DCDC1: variants seen among roughly 807,000 people sequenced by gnomAD.
DCDC1 encodes doublecortin domain-containing protein 1.
A neutral mutation model predicts 178.3 loss-of-function variants in DCDC1; 200 were observed. The ratio of observed to expected loss-of-function variants is 1.12; its 90% CI spans 1.00 to 1.26. The LOEUF is 1.26. Ranked by LOEUF, DCDC1 falls within the 50% of genes most tolerant of loss-of-function variation. DCDC1 has a pLI of 0.00. For missense variants in DCDC1, 1,983 were observed against 1,749.2 expected (o/e 1.13, Z -2.38); for synonymous variants, 690 against 604.8 (o/e 1.14, Z -2.07).
At position 30,899,652 on chromosome 11, in the gene DCDC1, TA is replaced by T. The variant is rs148686045; in HGVS notation, c.4664-11del. 159 of 1,511,040 alleles carry T rather than the reference TA, an allele frequency of 1.1e-4. 1 individual carries two copies. In the African/African-American group the frequency reaches 1.9e-3, roughly 19 times the overall value. The allele number at this position is 1,511,040 out of a possible 1,614,324, so 93.6% of individuals were successfully genotyped here. On this transcript the variant is annotated splice_polypyrimidine_tract_variant and intron_variant, in intron 33 of 38. Transcript: ENST00000684477. Reference sequence around the variant, plus strand: ...TCTGCTTTCTGCAAAGCTAGAATAATAAAAATACAAGATATTTTATCAACAG... The same window carrying T: ...TCTGCTTTCTGCAAAGCTAGAATAATAAAATACAAGATATTTTATCAACAG...
chr11:31,292,353 G>C (rs1218671124), intron 6 of DCDC1, among the ~76,000 whole-genome samples: 1 of 152,062 alleles, frequency 6.6e-6, no homozygotes, highest in Non-Finnish European at 1.5e-5. Context: ...CCAACATGTG[G>C]TAACCAAATG....
chr11:31,311,714 G>A lies in DCDC1; in HGVS notation c.165-3806C>T, dbSNP rs546307424. On this transcript the variant is annotated intron_variant, in intron 3 of 38. Coordinates refer to ENST00000684477, the MANE Select transcript of DCDC1 (RefSeq NM_001387274.1). Reference sequence around the variant, plus strand: ...TAAAGATGCCAATCTTGAGGGTGAAGAATTTAACACAAACAACTGCCAGCA... The same window carrying A: ...TAAAGATGCCAATCTTGAGGGTGAAAAATTTAACACAAACAACTGCCAGCA... 1.2e-4 allele frequency among the ~76,000 whole-genome samples: 19 copies of A among 152,178 alleles called. No individual in the cohort carries two copies. In the South Asian group the frequency reaches 3.9e-3, roughly 32 times the overall value.
At chr11:31,360,015 T>C (rs920965677) in intron 1 of DCDC1, among the ~76,000 whole-genome samples, 3 of 152,200 alleles carry the variant, frequency 2.0e-5, no homozygotes, top group Non-Finnish European at 4.4e-5. Flanking sequence ...AATGAAAACA[T>C]ACGCAATATG....
intron 20 of DCDC1, among the ~76,000 whole-genome samples, chr11:30,980,652 A>C (rs2134791384): frequency 6.6e-6 from 1 of 152,298 alleles, no homozygotes; most frequent in East Asian, 1.9e-4. Context: ...TTTTAAGAGC[A>C]GTCTTATTTA....
chr11:31,223,207 T>A (rs1291949274), intron 9 of DCDC1, among the ~76,000 whole-genome samples: 1 of 152,114 alleles, frequency 6.6e-6, no homozygotes, highest in African/African-American at 2.4e-5. Context: ...ATGATGTAAT[T>A]ATATTACAAT....
At chr11:31,185,825 T>G (rs971463092) in intron 9 of DCDC1, among the ~76,000 whole-genome samples, 3 of 152,166 alleles carry the variant, frequency 2.0e-5, no homozygotes, top group Non-Finnish European at 2.9e-5. Context: ...AGCTTAGAAC[T>G]TTAAGTAGAT....
intron 20 of DCDC1, among the ~76,000 whole-genome samples, chr11:31,050,476 C>T (rs923881753): frequency 5.9e-5 from 9 of 152,172 alleles, no homozygotes; most frequent in Admixed American, 2.0e-4. Flanking sequence ...TCCCACCCAT[C>T]GCCAGTCGCT....
chr11:31,328,376 T>A (rs1423219832), intron 2 of DCDC1, 90 bp from the exon 3 acceptor site: 1 of 1,283,950 alleles, frequency 7.8e-7, no homozygotes, highest in African/African-American at 1.5e-5. Context: ...AACTTACTTG[T>A]CATCATGTGA....
chr11:31,284,859 G>A (rs1002628212), intron 7 of DCDC1, among the ~76,000 whole-genome samples: 2 of 151,726 alleles, frequency 1.3e-5, no homozygotes, highest in Admixed American at 6.6e-5. Context: ...GGCTGGTCTC[G>A]AACTCCTGAC....
chr11:31,235,526 A>C (rs936743700), intron 9 of DCDC1, among the ~76,000 whole-genome samples: 22 of 152,036 alleles, frequency 1.4e-4, no homozygotes, highest in Admixed American at 1.4e-3. Flanking sequence ...AGTCACAAGT[A>C]CAGAGGATAA....
intron 9 of DCDC1, among the ~76,000 whole-genome samples, chr11:31,235,258 T>G (rs1301630752): frequency 6.6e-6 from 1 of 151,904 alleles, no homozygotes; most frequent in Non-Finnish European, 1.5e-5. Flanking sequence ...CACACAGACA[T>G]AAAAAGCAAA....
Position 31,207,881 on chromosome 11 carries a change from G to C in DCDC1, c.1221+33569C>G, listed in dbSNP as rs1972056780. ...AACCAACATCTAGTCAAGGCCAATGGTAATTTTCCATTGTCTTCCCACTTT... is the reference window on the plus strand; with the variant it reads ...AACCAACATCTAGTCAAGGCCAATGCTAATTTTCCATTGTCTTCCCACTTT... On this transcript the variant is annotated intron_variant, in intron 9 of 38. Transcript: ENST00000684477. Among the ~76,000 whole-genome samples, 3 of 152,104 alleles carry C rather than the reference G, an allele frequency of 2.0e-5. No individual in the cohort carries two copies. The South Asian group carries it at 6.2e-4, about 32-fold the overall frequency.
chr11:30,925,384 A>C lies in DCDC1; in HGVS notation c.2922T>G (p.Pro974=). 1 of 1,613,806 alleles carries C rather than the reference A, an allele frequency of 6.2e-7. No homozygotes were observed. Among genetic ancestry groups the C allele is most frequent in the Non-Finnish European group, 8.5e-7 (1 of 1,179,800 alleles). ...KTQCTEILNL[P]SAARRLYNEK... Reference sequence around the variant, plus strand: ...CATTGTACAATCTCCGAGCTGCAGAAGGTAAATTTAAAATCTCAGTGCACC... The same window carrying C: ...CATTGTACAATCTCCGAGCTGCAGACGGTAAATTTAAAATCTCAGTGCACC... The change falls in exon 23 of 39, where the codon CCT becomes CCG. Residue 974 remains proline, a synonymous_variant. Transcript: ENST00000684477.
Position 30,920,882 on chromosome 11 carries a change from G to GCA in DCDC1, c.3185_3186dup (p.His1063CysfsTer5). On this transcript the variant is annotated frameshift_variant, in exon 25 of 39. Coordinates refer to ENST00000684477, the MANE Select transcript of DCDC1 (RefSeq NM_001387274.1). LOFTEE classifies it high-confidence loss of function. ...TCTCCAAAAATTGCTACAGGTTTAT[G>GCA]CACAGCAAGCTTGCTTCCAGATACA... 1 of 1,613,206 alleles carries GCA rather than the reference G, an allele frequency of 6.2e-7. No homozygotes were observed. Among genetic ancestry groups the GCA allele is most frequent in the Non-Finnish European group, 8.5e-7 (1 of 1,179,526 alleles).
chr11:31,357,869 T>C (rs1951472870), intron 1 of DCDC1, among the ~76,000 whole-genome samples: 1 of 151,806 alleles, frequency 6.6e-6, no homozygotes, highest in Admixed American at 6.6e-5. Context: ...TACCTAGGAA[T>C]CCAACTTACA....
intron 20 of DCDC1, among the ~76,000 whole-genome samples, chr11:30,991,269 T>G (rs1950964329): frequency 6.6e-6 from 1 of 152,086 alleles, no homozygotes; most frequent in East Asian, 1.9e-4. Flanking sequence ...AGAAATAGAC[T>G]GTAATACTAG....
chr11:31,065,008 C>A lies in DCDC1; in HGVS notation c.2433+11G>T, dbSNP rs1490247426. On this transcript the variant is annotated intron_variant, in intron 19 of 38. Coordinates refer to ENST00000684477, the MANE Select transcript of DCDC1 (RefSeq NM_001387274.1). ...GCTATTTCTGTCTTGCCTCTGGCTCCCTACACTGACCTCTTCTGCTAAGTT... is the reference window on the plus strand; with the variant it reads ...GCTATTTCTGTCTTGCCTCTGGCTCACTACACTGACCTCTTCTGCTAAGTT... The A allele has an allele frequency of 1.3e-6, 1 of 748,398 alleles. No individual in the cohort carries two copies. The highest frequency in any genetic ancestry group is 1.7e-5 in the African/African-American group (1 of 58,130). 46.4% of individuals were successfully genotyped at this position (748,398 alleles called of 1,614,324 possible). A position where few individuals can be genotyped will look rare whatever the true frequency, so the allele number is the denominator to read the frequency against.
chr11:30,938,204 T>G (rs969679986), intron 21 of DCDC1, among the ~76,000 whole-genome samples: 1 of 152,138 alleles, frequency 6.6e-6, no homozygotes, highest in African/African-American at 2.4e-5. Context: ...CTCTCGTTCA[T>G]TTTTCTTCTT....
chr11:31,133,326 C>T (rs974602649), intron 10 of DCDC1, among the ~76,000 whole-genome samples: 1 of 152,122 alleles, frequency 6.6e-6, no homozygotes, highest in Non-Finnish European at 1.5e-5. Context: ...ATACTAGGAA[C>T]GTCATCTAGG....
Sources: allele counts gnomAD v4.1 joint callset (sites outside exome capture counted in the v4.1 genomes callset), GRCh38; gene constraint gnomAD v4.1.1; transcripts MANE v1.5; gene names NCBI Gene and HGNC (gene_info 2026-07-23, HGNC 2026-07-21).